The following MPC2 variants were observed in gnomAD, a reference collection of about 807,000 sequenced individuals.
MPC2 encodes the protein brain protein 44.
Under a neutral mutation model 19.2 loss-of-function variants are expected in MPC2, and 19 were observed. That is an observed-to-expected ratio of 0.99 (90% CI 0.69 to 1.45). The LOEUF is 1.45. Ranked by LOEUF, MPC2 falls within the 40% of genes most tolerant of loss-of-function variation. The pLI is 0.00. For missense variants in MPC2, 122 were observed against 153.0 expected, an observed-to-expected ratio of 0.80 and a Z score of 1.07; for synonymous variants, 61 against 54.3, an observed-to-expected ratio of 1.12 and a Z score of -0.54.
intron 2 of MPC2, among the ~76,000 whole-genome samples, chr1:167,928,948 T>C (rs1670828285): frequency 6.6e-6 from 1 of 152,244 alleles, no homozygotes; most frequent in Non-Finnish European, 1.5e-5. Flanking sequence ...ATACTATATA[T>C]TCTTTTAGAA....
intron 2 of MPC2, among the ~76,000 whole-genome samples, chr1:167,930,671 T>C (rs1210002852): frequency 6.6e-6 from 1 of 152,202 alleles, no homozygotes; most frequent in Non-Finnish European, 1.5e-5. Flanking sequence ...TAATTTGTCT[T>C]ACACTCAGGA....
rs1275618178 is a variant in MPC2, at chr1:167,920,038, C to T, written c.288G>A (p.Leu96=). The part of the protein sequence containing the change: ...SLVIIPKNWS[L]FAVNFFVGAA... ...CCCCCACAAAGAAATTAACAGCAAACAGACTCCAATTTTTTGGAATAATTA... is the reference window on the plus strand; with the variant it reads ...CCCCCACAAAGAAATTAACAGCAAATAGACTCCAATTTTTTGGAATAATTA... The change falls in exon 5 of 6, where the codon CTG becomes CTA. Residue 96 remains leucine (L), a synonymous_variant. Coordinates refer to ENST00000271373, the MANE Select transcript of MPC2 (RefSeq NM_001143674.4). 1.2e-6 allele frequency: 2 copies of T among 1,613,424 alleles called. No individual in the cohort carries two copies. Among genetic ancestry groups the T allele is most frequent in the South Asian group, 1.1e-5 (1 of 91,004 alleles).
At chr1:167,929,418 A>G (rs1332483839) in intron 2 of MPC2, among the ~76,000 whole-genome samples, 1 of 152,196 alleles carries the variant, frequency 6.6e-6, no homozygotes, top group Non-Finnish European at 1.5e-5. Context: ...CAAGAATGAA[A>G]AATACTGACT....
At chr1:167,926,567 T>TC (rs1191780690) in intron 2 of MPC2, among the ~76,000 whole-genome samples, 1 of 152,170 alleles carries the variant, frequency 6.6e-6, no homozygotes, top group Non-Finnish European at 1.5e-5. Context: ...ACCAGGAGTG[T>TC]CCCCCCAGGG....
intron 1 of MPC2, 119 bp downstream of exon 1, chr1:167,936,820 C>T (rs1277263955): frequency 4.3e-6 from 5 of 1,168,998 alleles, no homozygotes; most frequent in East Asian, 2.6e-5. Context: ...CGGATGGTGC[C>T]GGTGCGGCTC....
At chr1:167,927,190 G>C (rs1265254377) in intron 2 of MPC2, among the ~76,000 whole-genome samples, 1 of 152,192 alleles carries the variant, frequency 6.6e-6, no homozygotes, top group Non-Finnish European at 1.5e-5. Context: ...GGAATTTGCT[G>C]TTTTCTCATC....
In MPC2 at chr1:167,932,822, A is replaced by AG. The variant is rs1248392494; in HGVS notation, c.109+2910_109+2911insC. Among the ~76,000 whole-genome samples the AG allele has an allele frequency of 4.6e-3, 694 of 151,412 alleles. 5 individuals are homozygous for AG. The highest frequency in any genetic ancestry group is 0.016 in the African/African-American group (655 of 41,126). ...AGACTCTGTCTCAAAAAAAAAAAAA[A>AG]AAAAAGAAAAGAAAAGAAAAGAAAA... On this transcript the variant is annotated intron_variant, in intron 2 of 5. Coordinates refer to ENST00000271373, the MANE Select transcript of MPC2 (RefSeq NM_001143674.4).
intron 2 of MPC2, among the ~76,000 whole-genome samples, chr1:167,935,154 T>C (rs1438788574): frequency 6.6e-6 from 1 of 152,126 alleles, no homozygotes; most frequent in Non-Finnish European, 1.5e-5. Context: ...GGGTAGAGCT[T>C]GTTCAACAAT....
chr1:167,920,694 AAATCAAG>A, intron 3 of MPC2, 63 bp from the exon 4 acceptor site: 1 of 1,489,564 alleles, frequency 6.7e-7, no homozygotes, highest in Non-Finnish European at 9.1e-7. Flanking sequence ...TTTTAACTTT[AAATCAAG>A]CACAAGACAT....
At chr1:167,925,462 T>TACAC (rs1670720606) in intron 2 of MPC2, among the ~76,000 whole-genome samples, 1 of 119,552 alleles carries the variant, frequency 8.4e-6, no homozygotes, top group African/African-American at 3.8e-5. Context: ...TATATATATA[T>TACAC]ATATATATAT....
intron 1 of MPC2, 151 bp from the exon 2 acceptor site, chr1:167,936,049 C>T: frequency 3.4e-6 from 2 of 586,584 alleles, no homozygotes; most frequent in South Asian, 2.0e-5. Context: ...CGGAGGCTGC[C>T]GACTGCCAGC....
At chr1:167,923,717 A>G (rs1362158905) in intron 3 of MPC2, among the ~76,000 whole-genome samples, 1 of 151,948 alleles carries the variant, frequency 6.6e-6, no homozygotes, top group African/African-American at 2.4e-5. Context: ...AAAAAAGCCT[A>G]CAGACCAGTG....
At chr1:167,934,017 G>A (rs971654700) in intron 2 of MPC2, among the ~76,000 whole-genome samples, 2 of 152,178 alleles carry the variant, frequency 1.3e-5, no homozygotes, top group African/African-American at 4.8e-5. Context: ...AGGTCACACA[G>A]CCAAGACTGA....
intron 2 of MPC2, among the ~76,000 whole-genome samples, chr1:167,926,135 A>G (rs1193841946): frequency 6.6e-6 from 1 of 152,220 alleles, no homozygotes; most frequent in Non-Finnish European, 1.5e-5. Flanking sequence ...ATTTTCTCAC[A>G]TACATCTGGT....
Position 167,918,719 on chromosome 1 carries a change from G to C in MPC2, c.348-360C>G, listed in dbSNP as rs562499632. Among the ~76,000 whole-genome samples, 3 of 149,660 alleles carry C rather than the reference G, an allele frequency of 2.0e-5. No homozygotes were observed. The South Asian group carries it at 6.4e-4, about 32-fold the overall frequency. On this transcript the variant is annotated intron_variant, in intron 5 of 5. Transcript: ENST00000271373. ...CGCCATTCTCCTGCCTCAGCCCCCC[G>C]AGTAGCTGGGACTACAGGCGCCCGC... is the stretch of plus-strand genomic sequence containing the variant.
chr1:167,925,455 A>G (rs1365992321), intron 2 of MPC2, among the ~76,000 whole-genome samples: 2 of 110,850 alleles, frequency 1.8e-5, no homozygotes, highest in African/African-American at 8.3e-5. Context: ...ATATATATAT[A>G]TATATATATA....
intron 3 of MPC2, 106 bp from the exon 4 acceptor site, chr1:167,920,737 C>A (rs1312807858): frequency 1.8e-6 from 2 of 1,128,570 alleles, no homozygotes; most frequent in South Asian, 1.9e-5. Flanking sequence ...AAGTTAGCAG[C>A]TATAATTTTA....
intron 2 of MPC2, 33 bp downstream of exon 2, chr1:167,935,700 G>A (rs1671120709): frequency 1.3e-6 from 2 of 1,513,208 alleles, no homozygotes; most frequent in Non-Finnish European, 1.8e-6. Flanking sequence ...CGAGAAGGAA[G>A]GTCTCGATAA....
chr1:167,934,500 A>G (rs1351817924), intron 2 of MPC2, among the ~76,000 whole-genome samples: 1 of 152,234 alleles, frequency 6.6e-6, no homozygotes, highest in Non-Finnish European at 1.5e-5. Context: ...TAAATCAGTA[A>G]CAAACTGTCC....
Sources: gnomAD v4.1 joint callset for allele counts (sites outside exome capture counted in the v4.1 genomes callset) on GRCh38, gnomAD v4.1.1 for gene constraint, MANE v1.5 for transcripts, NCBI Gene and HGNC (gene_info 2026-07-23, HGNC 2026-07-21) for gene names.